The following CDKL5 variants were observed in gnomAD, a reference collection of about 807,000 sequenced individuals.
The protein encoded by CDKL5 is cyclin-dependent kinase-like 5.
In CDKL5, 8 loss-of-function variants were observed where a neutral mutation model predicts 61.7. That is an observed-to-expected ratio of 0.13 (90% confidence interval 0.08 to 0.23). The LOEUF is 0.23. Among genes scored for constraint, CDKL5 ranks in the 10% least tolerant of loss-of-function variants. CDKL5 has a pLI of 1.00. For synonymous variants in CDKL5, 275 were observed against 272.3 expected (o/e 1.01, Z -0.10); for missense variants, 440 against 734.5 (o/e 0.60, Z 4.63).
At chrX:18,481,197 T>C (rs575036028) in intron 1 of CDKL5, among the ~76,000 whole-genome samples, 5 of 107,941 alleles carry the variant, frequency 4.6e-5, no homozygotes, top group Admixed American at 2.0e-4. Context: ...TCCTCCTCCT[T>C]CTCTCTCTCT....
At chrX:18,569,916 A>T (rs1028777962) in intron 4 of CDKL5, among the ~76,000 whole-genome samples, 58 of 111,398 alleles carry the variant, frequency 5.2e-4, no homozygotes, top group African/African-American at 1.9e-3. Flanking sequence ...ATATAAAATA[A>T]AATTACTTGC....
Position 18,631,288 on chromosome X carries a change from A to T in CDKL5, c.*2531A>T. ...CAGAAAATACCTACAGATATCTACA[A>T]ATGTTTTCAACCAGTGTTTTCGAGG... On this transcript the variant is annotated 3_prime_UTR_variant, in exon 18 of 18. Coordinates refer to ENST00000623535, the MANE Select transcript of CDKL5 (RefSeq NM_001323289.2). The T allele has an allele frequency of 1.3e-6, 1 of 752,580 alleles. No homozygotes were observed. Among genetic ancestry groups the T allele is most frequent in the Non-Finnish European group, 1.6e-6 (1 of 638,755 alleles). 62.0% of individuals were successfully genotyped at this position (752,580 alleles called of 1,213,427 possible).
intron 3 of CDKL5, among the ~76,000 whole-genome samples, chrX:18,521,925 C>G (rs1923256867): frequency 8.9e-6 from 1 of 112,351 alleles, no homozygotes; most frequent in African/African-American, 3.2e-5. Flanking sequence ...CAGCACTTCA[C>G]TGGTTCGATT....
intron 3 of CDKL5, among the ~76,000 whole-genome samples, chrX:18,518,497 C>T (rs1464938059): frequency 2.0e-5 from 2 of 97,734 alleles, no homozygotes; most frequent in African/African-American, 3.9e-5. Flanking sequence ...CTCTGCCTCC[C>T]GGGTTCAAGT....
downstream of CDKL5, among the ~76,000 whole-genome samples, chrX:18,642,398 A>C (rs1231602485): frequency 8.9e-6 from 1 of 111,882 alleles, no homozygotes; most frequent in Non-Finnish European, 1.9e-5. Flanking sequence ...TTACACTTCA[A>C]TTAATTAAAA....
intron 3 of CDKL5, among the ~76,000 whole-genome samples, chrX:18,525,943 C>T (rs1182333812): frequency 1.8e-5 from 2 of 110,113 alleles, no homozygotes; most frequent in African/African-American, 6.6e-5. Flanking sequence ...GCTGGGGTTT[C>T]GCCATGTTGG....
intron 12 of CDKL5, among the ~76,000 whole-genome samples, chrX:18,606,228 G>A (rs1203470635): frequency 9.1e-6 from 1 of 109,870 alleles, no homozygotes; most frequent in Non-Finnish European, 1.9e-5. Flanking sequence ...AATGAAATAA[G>A]TAAGACCTAA....
At position 18,518,385 on chromosome X, in the gene CDKL5, C is replaced by CTTTT. The variant is rs1195931109; in HGVS notation, c.99+7533_99+7534insTTTT. ...ATAAAGTCATGTTTTCTTTTCTTTTCTTATTTTTTTTTTTTTTTTTTTTTT... is the reference window on the plus strand; with the variant it reads ...ATAAAGTCATGTTTTCTTTTCTTTTCTTTTTTATTTTTTTTTTTTTTTTTTTTTT... On this transcript the variant is annotated intron_variant, in intron 3 of 17. Coordinates refer to ENST00000623535, the MANE Select transcript of CDKL5 (RefSeq NM_001323289.2). Among the ~76,000 whole-genome samples the CTTTT allele has an allele frequency of 5.1e-3, 116 of 22,744 alleles. 4 individuals are homozygous for CTTTT. The highest frequency in any genetic ancestry group is 0.015 in the African/African-American group (98 of 6,564). The allele number at this position is 22,744 out of a possible 115,157, so 19.8% of individuals were successfully genotyped here.
intron 20 of CDKL5, among the ~76,000 whole-genome samples, chrX:18,646,747 G>A (rs1467028792): frequency 2.7e-5 from 3 of 110,869 alleles, no homozygotes; most frequent in Non-Finnish European, 5.7e-5. Flanking sequence ...TTTTGCACCT[G>A]CTGTACCCCA....
At chrX:18,480,068 C>A (rs1485900610) in intron 1 of CDKL5, among the ~76,000 whole-genome samples, 2 of 112,007 alleles carry the variant, frequency 1.8e-5, no homozygotes, top group African/African-American at 6.5e-5. Flanking sequence ...TTATTGATTA[C>A]TGATATTCAA....
chrX:18,604,901 C>T lies in CDKL5; in HGVS notation c.1944+33C>T, dbSNP rs779669014. ...TGAGCACCTTGACTGAATCTGGTGG[C>T]CCTTCAGGGGAAGGTGGTACGAGGG... is the stretch of plus-strand genomic sequence containing the variant. On this transcript the variant is annotated intron_variant, in intron 12 of 17. Transcript: ENST00000623535. 4 of 1,204,993 alleles carry T rather than the reference C, an allele frequency of 3.3e-6. No homozygotes were observed. The East Asian group carries it at 1.2e-4, about 36-fold the overall frequency.
At chrX:18,454,649 C>T (rs754664161) in intron 1 of CDKL5, among the ~76,000 whole-genome samples, 6 of 108,782 alleles carry the variant, frequency 5.5e-5, no homozygotes, top group Non-Finnish European at 1.1e-4. Flanking sequence ...CTCTGCCTCC[C>T]AGGTTCAAAC....
intron 1 of CDKL5, among the ~76,000 whole-genome samples, chrX:18,499,327 G>A (rs1922294173): frequency 9.5e-6 from 1 of 105,785 alleles, no homozygotes; most frequent in African/African-American, 3.4e-5. Flanking sequence ...TTCACCTTTT[G>A]GACCTTTTAG....
At chrX:18,450,371 A>G (rs1432659737) in intron 1 of CDKL5, among the ~76,000 whole-genome samples, 3 of 111,908 alleles carry the variant, frequency 2.7e-5, no homozygotes, top group Non-Finnish European at 5.6e-5. Flanking sequence ...GGCAGCATTA[A>G]ATACTAGTTC....
intron 1 of CDKL5, among the ~76,000 whole-genome samples, chrX:18,480,809 C>CCTTCTTCCTTTCTTCTTT (rs1298560276): frequency 7.1e-4 from 77 of 108,401 alleles, no homozygotes; most frequent in African/African-American, 2.5e-3. Context: ...ACTTCTTCTT[C>CCTTCTTCCTTTCTTCTTT]CTTCTTCCTT....
intron 1 of CDKL5, among the ~76,000 whole-genome samples, chrX:18,477,884 T>G (rs1193488730): frequency 1.8e-5 from 2 of 112,380 alleles, no homozygotes; most frequent in Non-Finnish European, 3.8e-5. Flanking sequence ...TTATATTAAC[T>G]TTCTTATTTA....
At chrX:18,441,947 T>C (rs772606244) in intron 1 of CDKL5, among the ~76,000 whole-genome samples, 1 of 111,502 alleles carries the variant, frequency 9.0e-6, no homozygotes, top group African/African-American at 3.3e-5. Context: ...GCCCCTTCCC[T>C]GGCTGTTGTA....
In CDKL5 at chrX:18,509,245, A is replaced by ACACCCC. The variant is rs796171313; in HGVS notation, c.65-1574_65-1573insACCCCC. Among the ~76,000 whole-genome samples the ACACCCC allele has an allele frequency of 1.0e-4, 10 of 95,353 alleles. No homozygotes were observed. The East Asian group carries it at 1.1e-3, about 10-fold the overall frequency. The allele number at this position is 95,353 out of a possible 115,157, so 82.8% of individuals were successfully genotyped here. ...CACACACACACACACACACACACACACCCCTGTCAAGCAAACTCTGCATTC... is the reference window on the plus strand; with the variant it reads ...CACACACACACACACACACACACACACACCCCCCCCTGTCAAGCAAACTCTGCATTC... On this transcript the variant is annotated intron_variant, in intron 2 of 17. Coordinates refer to ENST00000623535, the MANE Select transcript of CDKL5 (RefSeq NM_001323289.2).
At position 18,636,064 on chromosome X, in the gene CDKL5, A is replaced by C. The variant is rs1263477299; in HGVS notation, c.*7307A>C. The C allele has an allele frequency of 2.7e-5, 3 of 111,716 alleles. No individual in the cohort carries two copies. Among genetic ancestry groups the C allele is most frequent in the Non-Finnish European group, 5.6e-5 (3 of 53,160 alleles). The allele number at this position is 111,716 out of a possible 1,213,427, so 9.2% of individuals were successfully genotyped here. On this transcript the variant is annotated 3_prime_UTR_variant, in exon 18 of 18. Transcript: ENST00000623535. ...GAGTACATGTTCAATCAGGAGGGAA[A>C]GAACTTAGCTTTTGTGATAACTTAT...
Sources: gnomAD v4.1 joint callset for allele counts (sites outside exome capture counted in the v4.1 genomes callset) on GRCh38, gnomAD v4.1.1 for gene constraint, MANE v1.5 for transcripts, NCBI Gene and HGNC (gene_info 2026-07-23, HGNC 2026-07-21) for gene names.